SNX19: variants seen among roughly 807,000 people sequenced by gnomAD.
SNX19 encodes the protein sorting nexin-19.
SNX19 carries 60 observed loss-of-function variants against 85.2 expected under a neutral mutation model. That is an observed-to-expected ratio of 0.70 (90% CI 0.57 to 0.87). The LOEUF is 0.87. Among genes scored for constraint, SNX19 ranks in the 40% least tolerant of loss-of-function variants. The probability of loss-of-function intolerance (pLI) is 0.00; values close to 1 mark genes in which losing one functional copy is unlikely to be tolerated. For missense variants in SNX19, 1,201 were observed against 1,217.8 expected, an observed-to-expected ratio of 0.99 and a Z score of 0.21; for synonymous variants, 520 against 470.0, an observed-to-expected ratio of 1.11 and a Z score of -1.38.
intron 8 of SNX19, among the ~76,000 whole-genome samples, chr11:130,888,030 C>T (rs1944209877): frequency 6.6e-6 from 1 of 151,614 alleles, no homozygotes; most frequent in African/African-American, 2.4e-5. Context: ...TTTTGGCACA[C>T]ACGTCAAAAG....
chr11:130,913,165 TTA>T (rs1946276144), intron 1 of SNX19, among the ~76,000 whole-genome samples: 1 of 152,168 alleles, frequency 6.6e-6, no homozygotes, highest in South Asian at 2.1e-4. Context: ...ACCTGCTGTT[TTA>T]TGTCAGTATT....
At chr11:130,881,049 A>G (rs1422931078) in intron 8 of SNX19, 2 of 334,716 alleles carry the variant, frequency 6.0e-6, no homozygotes, top group Non-Finnish European at 1.1e-5. Context: ...ACACAGGGAG[A>G]AGACAGCTGT....
chr11:130,914,560 A>G lies in SNX19; in HGVS notation c.1380T>C (p.Asp460=), dbSNP rs1477917093. 2.5e-6 allele frequency: 4 copies of G among 1,613,784 alleles called. No homozygotes were observed. In the East Asian group the frequency reaches 8.9e-5, roughly 36 times the overall value. The change falls in exon 1 of 11, where the codon GAT becomes GAC. Residue 460 remains aspartate, a synonymous_variant. Transcript: ENST00000265909. ...DTADKEIEQG[D]VTASVTALLE... ...GCAAAGCTGTAACAGAGGCGGTAAC[A>G]TCTCCTTGTTCTATCTCCTTGTCTG...
In SNX19 at chr11:130,878,255, C is replaced by A. The variant is rs1224347300; in HGVS notation, c.*167G>T. The A allele has an allele frequency of 4.5e-6, 3 of 661,350 alleles. No homozygotes were observed. The highest frequency in any genetic ancestry group is 7.4e-6 in the Non-Finnish European group (3 of 403,178). The allele number at this position is 661,350 out of a possible 1,614,324, so 41.0% of individuals were successfully genotyped here. ...GTGCATACAACTGGGACACACAGAC[C>A]CCTGTCACCTGCTACAAATGGAGCA... On this transcript the variant is annotated 3_prime_UTR_variant, in exon 11 of 11. Transcript: ENST00000265909.
rs1945811908 is a variant in SNX19, at chr11:130,908,046, G to A, written c.2072C>T (p.Ala691Val). Reference protein sequence around the residue: ...VSAIVDTLKTAFPRSEPQSPT... With the variant: ...VSAIVDTLKTVFPRSEPQSPT... ...GCTCTGGGGTTCAGAGCGAGGAAAC[G>A]CTGTCTTCAAGGTGTCCACAATGGC... The change falls in exon 5 of 11, where the codon GCG becomes GTG. Residue 691 changes from alanine to valine, a missense_variant. Ala to Val is a moderately conservative substitution (Grantham distance 64). Around this residue, in one of 3 missense-constraint regions of SNX19, gnomAD observed 125 missense variants for 171.6 expected, o/e 0.73. Coordinates refer to ENST00000265909, the MANE Select transcript of SNX19 (RefSeq NM_014758.3). The A allele has an allele frequency of 2.5e-6, 4 of 1,614,138 alleles. No homozygotes were observed. The highest frequency in any genetic ancestry group is 2.5e-6 in the Non-Finnish European group (3 of 1,180,024).
At position 130,915,826 on chromosome 11, in the gene SNX19, C is replaced by A. The variant is rs1194565895; in HGVS notation, c.114G>T (p.Trp38Cys). 1.2e-6 allele frequency: 2 copies of A among 1,614,216 alleles called. No homozygotes were observed. The highest frequency in any genetic ancestry group is 1.7e-5 in the Admixed American group (1 of 60,030). The change falls in exon 1 of 11, where the codon TGG becomes TGT. Residue 38 changes from tryptophan to cysteine, a missense_variant. Transcript: ENST00000265909. ...TGACCAGAAGGTGTATGACCAGGAG[C>A]CAGCCAAGCAAGACCCCCACAGCCA... ...KLMAVGVLLG[W>C]LLVIHLLVNV...
At chr11:130,884,836 T>C (rs1031337440) in intron 8 of SNX19, among the ~76,000 whole-genome samples, 10 of 135,590 alleles carry the variant, frequency 7.4e-5, no homozygotes, top group African/African-American at 2.8e-4. Flanking sequence ...CACGCCACTG[T>C]ACTCCAGCCT....
chr11:130,898,767 T>C (rs1306779166), intron 8 of SNX19, among the ~76,000 whole-genome samples: 1 of 152,218 alleles, frequency 6.6e-6, no homozygotes, highest in East Asian at 1.9e-4. Flanking sequence ...GATAGTAACA[T>C]GGGCTGTCTT....
intron 8 of SNX19, chr11:130,895,257 A>G (rs1944799223): frequency 1.0e-6 from 1 of 985,370 alleles, no homozygotes. Flanking sequence ...GAATTCCCCA[A>G]TTAACTGAAG....
chr11:130,880,871 C>T (rs751058730), intron 8 of SNX19, 65 bp from the exon 9 acceptor site: 10 of 1,359,548 alleles, frequency 7.4e-6, no homozygotes, highest in African/African-American at 1.4e-5. Flanking sequence ...AGGCAGCGGA[C>T]TGACTGTTTA....
intron 8 of SNX19, among the ~76,000 whole-genome samples, chr11:130,888,981 C>T (rs1944295546): frequency 6.6e-6 from 1 of 152,176 alleles, no homozygotes; most frequent in Non-Finnish European, 1.5e-5. Context: ...TAGACCCATT[C>T]ATTCACTGCT....
rs115612726 is a variant in SNX19, at chr11:130,913,446, C to T, written c.1674+820G>A. Among the ~76,000 whole-genome samples the T allele has an allele frequency of 6.4e-3, 977 of 152,302 alleles. 9 individuals are homozygous for T. Among genetic ancestry groups the T allele is most frequent in the African/African-American group, 0.022 (903 of 41,556 alleles). On this transcript the variant is annotated intron_variant, in intron 1 of 10. Transcript: ENST00000265909. ...CTTACTTGAAAATGTCATAATGTTA[C>T]TTTCTAAAATGCTATGTCATGATGC...
At position 130,910,113 on chromosome 11, in the gene SNX19, C is replaced by T. The variant is rs201537691; in HGVS notation, c.1939G>A (p.Ala647Thr). 20 of 1,614,138 alleles carry T rather than the reference C, an allele frequency of 1.2e-5. No individual in the cohort carries two copies. Among genetic ancestry groups the T allele is most frequent in the East Asian group, 4.5e-5 (2 of 44,868 alleles). Residue 647 changes from alanine (A) to threonine (T), a missense_variant, in exon 4 of 11, where the codon GCT becomes ACT. This residue lies in a region of SNX19 where 125 missense variants were observed against 171.6 expected (regional missense o/e 0.73). Coordinates refer to ENST00000265909, the MANE Select transcript of SNX19 (RefSeq NM_014758.3). The stretch of plus-strand genomic sequence containing the variant: ...AACTCCTGCACCTCCTCACTGTTAG[C>T]GATCTCCGGAATGGCACAGAGTTGC... ...LKQLCAIPEI[A>T]NSEEVQEFLA... is the part of the protein sequence containing the mutation.
intron 8 of SNX19, among the ~76,000 whole-genome samples, chr11:130,882,816 A>G (rs1260543985): frequency 6.6e-6 from 1 of 152,136 alleles, no homozygotes; most frequent in African/African-American, 2.4e-5. Flanking sequence ...TACTTCTGCA[A>G]TTTTTGCTGA....
chr11:130,910,564 G>A (rs544688853), intron 2 of SNX19, among the ~76,000 whole-genome samples, 194 bp from the exon 3 acceptor site: 1 of 152,122 alleles, frequency 6.6e-6, no homozygotes, highest in Non-Finnish European at 1.5e-5. Context: ...AGAGGGCTCT[G>A]AAGTCCAGAG....
chr11:130,870,728 A>C lies in SNX19; in HGVS notation c.*7694T>G, dbSNP rs771064301. 1.3e-5 allele frequency among the ~76,000 whole-genome samples: 2 copies of C among 152,170 alleles called. No individual in the cohort carries two copies. Among genetic ancestry groups the C allele is most frequent in the Non-Finnish European group, 2.9e-5 (2 of 68,042 alleles). ...AGTAACAGTATCAAGATCCAGACTT[A>C]TTCACAAATTTTGCCTCTTAAATAA... On this transcript the variant is annotated 3_prime_UTR_variant, in exon 11 of 11. Transcript: ENST00000265909.
At position 130,914,549 on chromosome 11, in the gene SNX19, G is replaced by C. The variant is rs201162937; in HGVS notation, c.1391C>G (p.Ser464Cys). 7 of 1,614,016 alleles carry C rather than the reference G, an allele frequency of 4.3e-6. No homozygotes were observed. In the Admixed American group the frequency reaches 8.3e-5, roughly 19 times the overall value. ...KEIEQGDVTA[S>C]VTALLEGPEK... Reference sequence around the variant, plus strand: ...TGGCCCCTCCAGCAAAGCTGTAACAGAGGCGGTAACATCTCCTTGTTCTAT... The same window carrying C: ...TGGCCCCTCCAGCAAAGCTGTAACACAGGCGGTAACATCTCCTTGTTCTAT... The change falls in exon 1 of 11, where the codon TCT (serine) becomes TGT (cysteine). Residue 464 changes from serine (S) to cysteine (C), a missense_variant. By Grantham distance (112) the Ser-to-Cys change is moderately radical. Transcript: ENST00000265909.
At position 130,869,057 on chromosome 11, in the gene SNX19, T is replaced by C. The variant is rs1472503410; in HGVS notation, c.*9365A>G. On this transcript the variant is annotated 3_prime_UTR_variant, in exon 11 of 11. Transcript: ENST00000265909. ...CGAGTTAGAATAGATAAGGTGAAAATTGTCTGCCATGGTATATGCTGGAAA... is the reference window on the plus strand; with the variant it reads ...CGAGTTAGAATAGATAAGGTGAAAACTGTCTGCCATGGTATATGCTGGAAA... 6.6e-6 allele frequency: 1 copy of C among 152,088 alleles called. No individual in the cohort carries two copies. Among genetic ancestry groups the C allele is most frequent in the East Asian group, 1.9e-4 (1 of 5,188 alleles). The allele number at this position is 152,088 out of a possible 1,614,324, so 9.4% of individuals were successfully genotyped here.
chr11:130,900,060 T>G (rs1285068867), intron 8 of SNX19, among the ~76,000 whole-genome samples: 3 of 152,202 alleles, frequency 2.0e-5, no homozygotes, highest in African/African-American at 7.2e-5. Flanking sequence ...TCACTGGAGT[T>G]GTGGTTGTAG....
Sources: gnomAD v4.1 joint callset for allele counts (sites outside exome capture counted in the v4.1 genomes callset) on GRCh38, gnomAD v4.1.1 for gene constraint, gnomAD v4.1.1 regional missense constraint, MANE v1.5 for transcripts, NCBI Gene and HGNC (gene_info 2026-07-23, HGNC 2026-07-21) for gene names.